Variants in SLC38A1 observed in about 807,000 individuals in gnomAD.
SLC38A1 encodes the protein solute carrier family 38 member 1.
A neutral mutation model predicts 60.3 loss-of-function variants in SLC38A1; 18 were observed. That is an observed-to-expected ratio of 0.30 (90% CI 0.21 to 0.44). The LOEUF is 0.44. Ranked by LOEUF, SLC38A1 falls within the 20% of genes least tolerant of loss-of-function variation. The pLI is 1.00. For synonymous variants in SLC38A1, 196 were observed against 212.1 expected (o/e 0.92, Z 0.66); for missense variants, 448 against 587.2 (o/e 0.76, Z 2.45).
chr12:46,185,915 A>C lies in SLC38A1; in HGVS notation c.*3055T>G, dbSNP rs1001357420. ...CTACCCCTACTGTCCAGTAGGTGGG[A>C]TGTGGCTGGGATGGACAGTCCAGAT... On this transcript the variant is annotated 3_prime_UTR_variant, in exon 17 of 17. Coordinates refer to ENST00000398637, the MANE Select transcript of SLC38A1 (RefSeq NM_030674.4). 6.6e-6 allele frequency: 1 copy of C among 152,122 alleles called. No individual in the cohort carries two copies. Among genetic ancestry groups the C allele is most frequent in the African/African-American group, 2.4e-5 (1 of 41,402 alleles). 9.4% of individuals were successfully genotyped at this position (152,122 alleles called of 1,614,324 possible). A position where few individuals can be genotyped will look rare whatever the true frequency, so the allele number is the denominator to read the frequency against.
chr12:46,192,010 A>G (rs1323644941), intron 16 of SLC38A1, among the ~76,000 whole-genome samples: 1 of 152,146 alleles, frequency 6.6e-6, no homozygotes, highest in Admixed American at 6.5e-5. Context: ...GTCTTGTGCC[A>G]GTTTTCAAAG....
At chr12:46,194,919 C>T (rs1297869290) in intron 16 of SLC38A1, among the ~76,000 whole-genome samples, 1 of 152,148 alleles carries the variant, frequency 6.6e-6, no homozygotes, top group African/African-American at 2.4e-5. Flanking sequence ...TACCAACCTT[C>T]TGAAGCCTAC....
chr12:46,267,244 C>CT (rs1260319511), intron 1 of SLC38A1: 3 of 152,226 alleles, frequency 2.0e-5, no homozygotes, highest in South Asian at 2.1e-4. Flanking sequence ...GCAGAGGCGT[C>CT]TTTTTTCACT....
intron 1 of SLC38A1, among the ~76,000 whole-genome samples, chr12:46,266,442 G>A (rs1345880535): frequency 6.6e-6 from 1 of 152,006 alleles, no homozygotes; most frequent in East Asian, 1.9e-4. Context: ...AGTGCAATAA[G>A]TACTTGCTGT....
chr12:46,243,328 GA>G lies in SLC38A1; in HGVS notation c.-208-15del, dbSNP rs1565787469. ...CTCAATAAATATCTGTCAAATGAAAGAATGAGCACAAATAAAAAATATATAC... is the reference window on the plus strand; with the variant it reads ...CTCAATAAATATCTGTCAAATGAAAGATGAGCACAAATAAAAAATATATAC... On this transcript the variant is annotated splice_polypyrimidine_tract_variant and intron_variant, in intron 1 of 16. Coordinates refer to ENST00000398637, the MANE Select transcript of SLC38A1 (RefSeq NM_030674.4). 6.6e-6 allele frequency: 1 copy of G among 152,032 alleles called. No individual in the cohort carries two copies. Among genetic ancestry groups the G allele is most frequent in the Non-Finnish European group, 1.5e-5 (1 of 67,998 alleles). 9.4% of individuals were successfully genotyped at this position (152,032 alleles called of 1,614,324 possible).
At chr12:46,252,052 G>A (rs1339579743) in intron 1 of SLC38A1, among the ~76,000 whole-genome samples, 2 of 152,032 alleles carry the variant, frequency 1.3e-5, no homozygotes, top group East Asian at 3.9e-4. Context: ...TGTTTATTGT[G>A]GCACTATTCA....
At chr12:46,245,327 G>A (rs183745547) in intron 1 of SLC38A1, among the ~76,000 whole-genome samples, 2 of 152,258 alleles carry the variant, frequency 1.3e-5, no homozygotes, top group Non-Finnish European at 1.5e-5. Context: ...TTTCTCCAAA[G>A]AATACATAAA....
intron 1 of SLC38A1, among the ~76,000 whole-genome samples, chr12:46,265,917 G>C (rs1332874808): frequency 6.6e-6 from 1 of 152,140 alleles, no homozygotes; most frequent in African/African-American, 2.4e-5. Flanking sequence ...GTCTAGGTAA[G>C]GTGACAGGGA....
chr12:46,201,637 A>AT, intron 12 of SLC38A1, among the ~76,000 whole-genome samples: 1 of 151,986 alleles, frequency 6.6e-6, no homozygotes, highest in East Asian at 1.9e-4. Context: ...TGATTTTCCC[A>AT]TTGGGTGGCC....
intron 16 of SLC38A1, among the ~76,000 whole-genome samples, chr12:46,195,260 C>T (rs1472407779): frequency 1.3e-5 from 2 of 152,186 alleles, no homozygotes; most frequent in Non-Finnish European, 2.9e-5. Context: ...TGGGTATCAC[C>T]AGCAAAGGCT....
At chr12:46,233,162 G>A (rs892998511) in intron 3 of SLC38A1, among the ~76,000 whole-genome samples, 1 of 151,974 alleles carries the variant, frequency 6.6e-6, no homozygotes. Flanking sequence ...GGGACTACGG[G>A]CACACACCAC....
intron 1 of SLC38A1, among the ~76,000 whole-genome samples, chr12:46,252,759 C>G (rs774140923): frequency 6.6e-6 from 1 of 151,520 alleles, no homozygotes; most frequent in Admixed American, 6.6e-5. Flanking sequence ...TTTCTATGTT[C>G]GTTGCAGCAT....
In SLC38A1 at chr12:46,268,631, C is replaced by A. The variant is rs1942442799; in HGVS notation, c.-314G>T. On this transcript the variant is annotated 5_prime_UTR_variant, in exon 1 of 17. Transcript: ENST00000398637. This position sits in a 1 kb window ranked among gnomAD's most constrained non-coding sequence, Gnocchi z 4.4. Reference sequence around the variant, plus strand: ...TGTCCTTTGTGTCAAGGTCTGGCTGCGGAGGCCGGGAAAATGTGGCCCCCG... The same window carrying A: ...TGTCCTTTGTGTCAAGGTCTGGCTGAGGAGGCCGGGAAAATGTGGCCCCCG... 4.2e-6 allele frequency: 1 copy of A among 236,000 alleles called. No individual in the cohort carries two copies. The highest frequency in any genetic ancestry group is 9.3e-6 in the Non-Finnish European group (1 of 108,060). The allele number at this position is 236,000 out of a possible 1,614,324, so 14.6% of individuals were successfully genotyped here. A position where few individuals can be genotyped will look rare whatever the true frequency, so the allele number is the denominator to read the frequency against.
chr12:46,201,722 G>A (rs1939667845), intron 12 of SLC38A1, among the ~76,000 whole-genome samples: 1 of 151,742 alleles, frequency 6.6e-6, no homozygotes, highest in Admixed American at 6.6e-5. Flanking sequence ...AATGATGAAG[G>A]GCTCCATCTC....
chr12:46,190,309 G>T (rs1013439821), intron 16 of SLC38A1, among the ~76,000 whole-genome samples: 1 of 152,184 alleles, frequency 6.6e-6, no homozygotes. Context: ...TGGTGTACAT[G>T]TGCCACATTT....
intron 1 of SLC38A1, among the ~76,000 whole-genome samples, chr12:46,253,131 A>C (rs1161407156): frequency 1.3e-5 from 2 of 152,088 alleles, no homozygotes; most frequent in African/African-American, 4.8e-5. Flanking sequence ...AAGTCTAGGG[A>C]GCAAATGTAC....
Position 46,189,087 on chromosome 12 carries a change from G to C in SLC38A1, c.1363-16C>G. 6.2e-7 allele frequency: 1 copy of C among 1,610,232 alleles called. No homozygotes were observed. ...AAAGGGCAGCCTGGAGCAAGAGAAA[G>C]GCAAGGGTTATTTTCAGTGCAGCAA... On this transcript the variant is annotated splice_polypyrimidine_tract_variant and intron_variant, in intron 16 of 16. Coordinates refer to ENST00000398637, the MANE Select transcript of SLC38A1 (RefSeq NM_030674.4).
intron 5 of SLC38A1, among the ~76,000 whole-genome samples, chr12:46,225,924 G>T (rs143973201): frequency 6.6e-5 from 10 of 152,262 alleles, no homozygotes; most frequent in African/African-American, 2.2e-4. Context: ...AAAGAAATGG[G>T]AAAATATAAA....
Position 46,268,761 on chromosome 12 carries a change from C to A in SLC38A1, c.-444G>T. On this transcript the variant is annotated 5_prime_UTR_variant, in exon 1 of 17. Coordinates refer to ENST00000398637, the MANE Select transcript of SLC38A1 (RefSeq NM_030674.4). This position sits in a 1 kb window ranked among gnomAD's most constrained non-coding sequence, Gnocchi z 4.4. ...TTCTGGCGGAGTGGCGTGGCCGCCC[C>A]AGTCCGCGCTCGCCTGGCTCTCCTC... 1 of 322,700 alleles carries A rather than the reference C, an allele frequency of 3.1e-6. No individual in the cohort carries two copies. The highest frequency in any genetic ancestry group is 2.1e-5 in the South Asian group (1 of 47,206). 20.0% of individuals were successfully genotyped at this position (322,700 alleles called of 1,614,324 possible).
Sources: gnomAD v4.1 joint callset for allele counts (sites outside exome capture counted in the v4.1 genomes callset) on GRCh38, gnomAD v4.1.1 for gene constraint, Gnocchi (gnomAD v3.1) non-coding constraint, MANE v1.5 for transcripts, NCBI Gene and HGNC (gene_info 2026-07-23, HGNC 2026-07-21) for gene names.